Variants in GALNT14 observed in about 807,000 individuals in gnomAD.
GALNT14 encodes the protein polypeptide N-acetylgalactosaminyltransferase 14.
In GALNT14, 60 loss-of-function variants were observed where a neutral mutation model predicts 77.5. The ratio of observed to expected loss-of-function variants is 0.77; its 90% CI spans 0.63 to 0.96. GALNT14 has a LOEUF of 0.96. Among genes scored for constraint, GALNT14 ranks in the 40% least tolerant of loss-of-function variants. The pLI is 0.00. For missense variants in GALNT14, 710 were observed against 731.0 expected (o/e 0.97, Z 0.33); for synonymous variants, 280 against 281.7 (o/e 0.99, Z 0.06).
chr2:31,127,932 C>T (rs138671752), intron 1 of GALNT14, among the ~76,000 whole-genome samples: 245 of 152,178 alleles, frequency 1.6e-3, no homozygotes, highest in African/African-American at 4.6e-3. Context: ...TTTAAAAATG[C>T]AGTGTCCTTT....
At chr2:30,943,060 G>A (rs1165520548) in intron 8 of GALNT14, among the ~76,000 whole-genome samples, 1 of 152,190 alleles carries the variant, frequency 6.6e-6, no homozygotes, top group African/African-American at 2.4e-5. Context: ...AAGGAGAGAG[G>A]CCTAGAACAG....
chr2:30,946,583 T>C (rs868056068), intron 6 of GALNT14, among the ~76,000 whole-genome samples: 48 of 152,196 alleles, frequency 3.2e-4, no homozygotes, highest in African/African-American at 9.2e-4. Flanking sequence ...GCATCATGCT[T>C]CCTATACAGC....
At chr2:30,962,301 A>G (rs939173509) in intron 3 of GALNT14, among the ~76,000 whole-genome samples, 7 of 152,230 alleles carry the variant, frequency 4.6e-5, no homozygotes, top group African/African-American at 9.6e-5. Context: ...GCTTGTGATC[A>G]CACACCTGTT....
chr2:31,130,782 GTGCGCGCGCA>G lies in GALNT14; in HGVS notation c.129+7166_129+7175del, dbSNP rs1290226085. Among the ~76,000 whole-genome samples, 534 of 134,430 alleles carry G rather than the reference GTGCGCGCGCA, an allele frequency of 4.0e-3. 4 individuals carry two copies. Among genetic ancestry groups the G allele is most frequent in the African/African-American group, 0.017 (521 of 30,402 alleles). 88.2% of individuals were successfully genotyped at this position (134,430 alleles called of 152,430 possible). ...TGTGTGTGTGTGTGTGTGTGTGTGT[GTGCGCGCGCA>G]CCTGTGTGTGTGCCTGTGTGTGTAT... On this transcript the variant is annotated intron_variant, in intron 1 of 14. Transcript: ENST00000349752.
At chr2:31,048,176 CAGGGATAA>C (rs1673598645) in intron 1 of GALNT14, among the ~76,000 whole-genome samples, 1 of 152,234 alleles carries the variant, frequency 6.6e-6, no homozygotes, top group Non-Finnish European at 1.5e-5. Context: ...TGTGCAGAGT[CAGGGATAA>C]CCCCATCACC....
intron 2 of GALNT14, among the ~76,000 whole-genome samples, chr2:30,976,356 C>T (rs1668624518): frequency 6.6e-6 from 1 of 152,158 alleles, no homozygotes; most frequent in Non-Finnish European, 1.5e-5. Flanking sequence ...TAGAAATGGC[C>T]ATTACTCCAA....
chr2:30,932,308 A>C lies in GALNT14; in HGVS notation c.932-114T>G, dbSNP rs1360703087. On this transcript the variant is annotated intron_variant, in intron 9 of 14. Transcript: ENST00000349752. ...GCAGAGGCGAAAGAACAGACTCTGC[A>C]GCCAGTCTGTAGGCTCCACTGGCTG... 11 of 1,021,266 alleles carry C rather than the reference A, an allele frequency of 1.1e-5. No homozygotes were observed. In the African/African-American group the frequency reaches 1.8e-4, roughly 17 times the overall value. The allele number at this position is 1,021,266 out of a possible 1,614,324, so 63.3% of individuals were successfully genotyped here. A position where few individuals can be genotyped will look rare whatever the true frequency, so the allele number is the denominator to read the frequency against.
intron 1 of GALNT14, among the ~76,000 whole-genome samples, chr2:31,134,466 T>C (rs1194083010): frequency 6.6e-6 from 1 of 152,228 alleles, no homozygotes; most frequent in Non-Finnish European, 1.5e-5. Flanking sequence ...TTTTTCCCTA[T>C]GATAGATGGA....
At chr2:30,959,872 C>T (rs565050864) in intron 3 of GALNT14, among the ~76,000 whole-genome samples, 2 of 152,290 alleles carry the variant, frequency 1.3e-5, no homozygotes, top group South Asian at 4.2e-4. Flanking sequence ...CTGGGCCACA[C>T]CAGCTATCAC....
intron 1 of GALNT14, among the ~76,000 whole-genome samples, chr2:31,120,798 C>T (rs1477382218): frequency 6.6e-6 from 1 of 152,190 alleles, no homozygotes; most frequent in East Asian, 1.9e-4. Context: ...CTCTGGTGAC[C>T]CACTGGCCTC....
At position 30,966,998 on chromosome 2, in the gene GALNT14, G is replaced by A. The variant is rs557357218; in HGVS notation, c.300-696C>T. Among the ~76,000 whole-genome samples the A allele has an allele frequency of 3.3e-5, 5 of 152,246 alleles. No homozygotes were observed. The South Asian group carries it at 6.2e-4, about 19-fold the overall frequency. On this transcript the variant is annotated intron_variant, in intron 2 of 14. Transcript: ENST00000349752. ...TTACTATAATAATGAAAATAAACCC[G>A]CCAAGTGAGGCTGGTGGCACCAGGG...
intron 1 of GALNT14, among the ~76,000 whole-genome samples, chr2:31,005,818 T>C (rs1670638327): frequency 6.6e-6 from 1 of 152,200 alleles, no homozygotes; most frequent in East Asian, 1.9e-4. Context: ...GCCATGCAAA[T>C]GATAAGACAA....
Position 30,943,229 on chromosome 2 carries a change from C to T in GALNT14, c.828-925G>A, listed in dbSNP as rs140737329. 2.1e-4 allele frequency among the ~76,000 whole-genome samples: 32 copies of T among 152,250 alleles called. No individual in the cohort carries two copies. In the East Asian group the frequency reaches 3.9e-3, roughly 18 times the overall value. ...ACCCTCATATTTTTTTCCTTTTCTTCGTCCCAGTCCCCAGACTTCTCTGGA... is the reference window on the plus strand; with the variant it reads ...ACCCTCATATTTTTTTCCTTTTCTTTGTCCCAGTCCCCAGACTTCTCTGGA... On this transcript the variant is annotated intron_variant, in intron 8 of 14. Transcript: ENST00000349752.
intron 2 of GALNT14, among the ~76,000 whole-genome samples, chr2:30,970,872 C>T (rs79180072): frequency 0.062 from 9,477 of 152,222 alleles, 371 homozygotes; most frequent in Non-Finnish European, 0.089. Context: ...TCTCAGGTGA[C>T]CCTCACAACC....
At position 30,910,834 on chromosome 2, in the gene GALNT14, A is replaced by G; in HGVS notation, c.*67T>C. On this transcript the variant is annotated 3_prime_UTR_variant, in exon 15 of 15. Transcript: ENST00000349752. ...GGTGGTTGCAGGCTGCTTGCTGCCCAGTTTCCAGTCTGTTCTGGTCCAGGG... is the reference window on the plus strand; with the variant it reads ...GGTGGTTGCAGGCTGCTTGCTGCCCGGTTTCCAGTCTGTTCTGGTCCAGGG... 1 of 1,543,518 alleles carries G rather than the reference A, an allele frequency of 6.5e-7. No individual in the cohort carries two copies. Among genetic ancestry groups the G allele is most frequent in the Non-Finnish European group, 8.8e-7 (1 of 1,139,526 alleles).
At chr2:30,965,591 T>C (rs1401781420) in intron 3 of GALNT14, among the ~76,000 whole-genome samples, 1 of 151,894 alleles carries the variant, frequency 6.6e-6, no homozygotes, top group African/African-American at 2.4e-5. Flanking sequence ...CTTGGGCACA[T>C]CAAAAACCCA....
chr2:30,892,658 G>A, the GALNT14 span, among the ~76,000 whole-genome samples: 2 of 152,194 alleles, frequency 1.3e-5, no homozygotes, highest in East Asian at 1.9e-4. Flanking sequence ...CCATCATAAA[G>A]GTTTGGGCTC....
Position 30,966,232 on chromosome 2 carries a change from G to A in GALNT14, c.370C>T (p.Arg124Cys), listed in dbSNP as rs376894318. ...SIIITFHNEA[R>C]STLLRTIRSV... The stretch of plus-strand genomic sequence containing the variant: ...CGGATGGTCCTGAGCAGCGTGGAGC[G>A]GGCCTCGTTGTGGAAGGTGATGATG... Residue 124 changes from arginine (R) to cysteine (C), a missense_variant, in exon 3 of 15, where the codon CGC (arginine) becomes TGC (cysteine). Physicochemically the swap from Arg to Cys is radical, Grantham distance 180 (BLOSUM62 -3). Coordinates refer to ENST00000349752, the MANE Select transcript of GALNT14 (RefSeq NM_024572.4). The A allele has an allele frequency of 1.7e-5, 27 of 1,613,904 alleles. No homozygotes were observed. Among genetic ancestry groups the A allele is most frequent in the East Asian group, 2.2e-5 (1 of 44,880 alleles).
intron 1 of GALNT14, among the ~76,000 whole-genome samples, chr2:31,085,443 A>G (rs189846324): frequency 2.0e-5 from 3 of 152,356 alleles, no homozygotes; most frequent in African/African-American, 7.2e-5. Context: ...GTCGATGACA[A>G]CAAGGGAAGG....
Sources: allele counts gnomAD v4.1 joint callset (sites outside exome capture counted in the v4.1 genomes callset), GRCh38; gene constraint gnomAD v4.1.1; transcripts MANE v1.5; gene names NCBI Gene and HGNC (gene_info 2026-07-23, HGNC 2026-07-21).